The following PABPC4L variants were observed in gnomAD, a reference collection of about 807,000 sequenced individuals.
PABPC4L encodes the protein poly(A) binding protein cytoplasmic 4 like, also known as polyadenylate-binding protein 4-like.
For missense variants in PABPC4L, 452 were observed against 451.4 expected (o/e 1.00, Z -0.01); for synonymous variants, 169 against 164.1 (o/e 1.03, Z -0.23).
the PABPC4L span, among the ~76,000 whole-genome samples, chr4:133,951,241 T>C: frequency 6.6e-6 from 1 of 152,216 alleles, no homozygotes; most frequent in Non-Finnish European, 1.5e-5. Flanking sequence ...AACTTTGGTT[T>C]GATATTCTAT....
the PABPC4L span, among the ~76,000 whole-genome samples, chr4:134,066,022 T>A: frequency 6.6e-6 from 1 of 152,116 alleles, no homozygotes; most frequent in Non-Finnish European, 1.5e-5. Flanking sequence ...TGCAGTATAA[T>A]TTGAAGTTGG....
At chr4:134,038,674 T>C in the PABPC4L span, among the ~76,000 whole-genome samples, 1 of 152,124 alleles carries the variant, frequency 6.6e-6, no homozygotes, top group Admixed American at 6.6e-5. Context: ...GATATCTCCT[T>C]TATCATTTTT....
the PABPC4L span, among the ~76,000 whole-genome samples, chr4:133,990,108 G>A: frequency 3.4e-3 from 520 of 152,216 alleles, 3 homozygotes; most frequent in African/African-American, 0.012. Flanking sequence ...ATATTTGGGT[G>A]AGGACACAGC....
the PABPC4L span, among the ~76,000 whole-genome samples, chr4:134,109,736 C>T: frequency 6.6e-6 from 1 of 151,652 alleles, no homozygotes; most frequent in Non-Finnish European, 1.5e-5. Context: ...ATTTTATTAT[C>T]CAAATTTCTA....
chr4:134,042,557 C>T, the PABPC4L span, among the ~76,000 whole-genome samples: 1 of 152,056 alleles, frequency 6.6e-6, no homozygotes, highest in Admixed American at 6.6e-5. Context: ...GCTGGAATGA[C>T]CATATAATTT....
the PABPC4L span, among the ~76,000 whole-genome samples, chr4:134,185,269 A>G: frequency 0.012 from 1,815 of 152,204 alleles, 14 homozygotes; most frequent in South Asian, 0.033. Flanking sequence ...CCTGATGAAC[A>G]TCAATGCAAA....
At chr4:134,062,203 T>C in the PABPC4L span, among the ~76,000 whole-genome samples, 3 of 152,082 alleles carry the variant, frequency 2.0e-5, no homozygotes, top group Admixed American at 2.0e-4. Context: ...ACTAACTGTA[T>C]TGGAGCTGAG....
chr4:134,000,605 C>A, the PABPC4L span, among the ~76,000 whole-genome samples: 1 of 151,904 alleles, frequency 6.6e-6, no homozygotes, highest in Non-Finnish European at 1.5e-5. Context: ...AACTTTTTTT[C>A]TTGGTATGTC....
the PABPC4L span, among the ~76,000 whole-genome samples, chr4:134,015,148 A>G: frequency 5.2e-4 from 79 of 152,126 alleles, no homozygotes; most frequent in African/African-American, 1.9e-3. Context: ...ACCCTGCTCA[A>G]TGCCAATATC....
the PABPC4L span, among the ~76,000 whole-genome samples, chr4:133,984,125 CAT>C: frequency 1.3e-5 from 2 of 151,828 alleles, no homozygotes; most frequent in Non-Finnish European, 3.0e-5. Context: ...CCAACAAACA[CAT>C]GTCATCTCTC....
At chr4:134,016,524 A>C in the PABPC4L span, among the ~76,000 whole-genome samples, 5 of 152,084 alleles carry the variant, frequency 3.3e-5, no homozygotes, top group Non-Finnish European at 5.9e-5. Flanking sequence ...TCCAACTTAT[A>C]TCCCTCACTT....
the PABPC4L span, among the ~76,000 whole-genome samples, chr4:134,074,868 G>C: frequency 6.6e-6 from 1 of 152,106 alleles, no homozygotes; most frequent in African/African-American, 2.4e-5. Context: ...CTGGCCCCAT[G>C]ATTCAATTAC....
At chr4:134,014,155 T>A in the PABPC4L span, among the ~76,000 whole-genome samples, 1 of 152,152 alleles carries the variant, frequency 6.6e-6, no homozygotes, top group Non-Finnish European at 1.5e-5. Context: ...AAAGGCCGTC[T>A]TATTCTCAAT....
At chr4:134,120,745 A>G in the PABPC4L span, among the ~76,000 whole-genome samples, 30 of 151,544 alleles carry the variant, frequency 2.0e-4, no homozygotes, top group African/African-American at 6.5e-4. Context: ...AATTTCATTT[A>G]GGACACTGAA....
the PABPC4L span, among the ~76,000 whole-genome samples, chr4:134,143,590 T>A: frequency 2.6e-5 from 4 of 151,094 alleles, no homozygotes; most frequent in Non-Finnish European, 5.9e-5. Flanking sequence ...TACATGAGCA[T>A]ACTGTAGATT....
At chr4:134,077,908 A>G in the PABPC4L span, among the ~76,000 whole-genome samples, 1 of 152,304 alleles carries the variant, frequency 6.6e-6, no homozygotes, top group East Asian at 1.9e-4. Flanking sequence ...TAAATTACAT[A>G]GAACATCAGC....
At chr4:134,056,054 C>A in the PABPC4L span, among the ~76,000 whole-genome samples, 1 of 151,844 alleles carries the variant, frequency 6.6e-6, no homozygotes, top group Non-Finnish European at 1.5e-5. Flanking sequence ...TGCTATAGCA[C>A]CATTTGTTGA....
At chr4:133,977,471 G>A in the PABPC4L span, among the ~76,000 whole-genome samples, 2 of 151,488 alleles carry the variant, frequency 1.3e-5, no homozygotes, top group Non-Finnish European at 3.0e-5. Context: ...GTAGTTTAAT[G>A]GGAATAGCAC....
At chr4:134,005,156 T>A in the PABPC4L span, among the ~76,000 whole-genome samples, 2 of 151,938 alleles carry the variant, frequency 1.3e-5, no homozygotes, top group Non-Finnish European at 2.9e-5. Flanking sequence ...GTTAATTAGC[T>A]GGATTTGACC....
Sources: gnomAD v4.1 joint callset for allele counts (sites outside exome capture counted in the v4.1 genomes callset) on GRCh38, gnomAD v4.1.1 for gene constraint, MANE v1.5 for transcripts, NCBI Gene and HGNC (gene_info 2026-07-23, HGNC 2026-07-21) for gene names.